COG6: variants seen among roughly 807,000 people sequenced by gnomAD.
COG6 encodes component of oligomeric golgi complex 6.
COG6 carries 74 observed loss-of-function variants against 88.8 expected under a neutral mutation model. The observed-to-expected ratio is 0.83, with a 90% CI of 0.69 to 1.01. COG6 has a LOEUF of 1.01. COG6 is among the 50% of genes least tolerant of loss of function. The pLI is 0.00. For synonymous variants in COG6, 286 were observed against 278.7 expected, an observed-to-expected ratio of 1.03 and a Z score of -0.26; for missense variants, 800 against 797.9, an observed-to-expected ratio of 1.00 and a Z score of -0.03.
rs1315306423 is a variant in COG6, at chr13:39,751,491, C to A, written c.*398C>A. 2 of 1,259,698 alleles carry A rather than the reference C, an allele frequency of 1.6e-6. No homozygotes were observed. The highest frequency in any genetic ancestry group is 3.1e-5 in the African/African-American group (2 of 65,124). The allele number at this position is 1,259,698 out of a possible 1,614,324, so 78.0% of individuals were successfully genotyped here. A position where few individuals can be genotyped will look rare whatever the true frequency, so the allele number is the denominator to read the frequency against. Reference sequence around the variant, plus strand: ...TATAAGGATATGACCTAATAAATGTCTCCTTACCTAAAGATTCATTTGCTT... The same window carrying A: ...TATAAGGATATGACCTAATAAATGTATCCTTACCTAAAGATTCATTTGCTT... On this transcript the variant is annotated 3_prime_UTR_variant, in exon 19 of 19. Coordinates refer to ENST00000455146, the MANE Select transcript of COG6 (RefSeq NM_020751.3).
At position 39,750,957 on chromosome 13, in the gene COG6, T is replaced by C. The variant is rs1320750692; in HGVS notation, c.1838T>C (p.Val613Ala). The C allele has an allele frequency of 1.2e-5, 19 of 1,613,416 alleles. No individual in the cohort carries two copies. Among genetic ancestry groups the C allele is most frequent in the Non-Finnish European group, 1.6e-5 (19 of 1,179,604 alleles). Residue 613 changes from valine to alanine, a missense_variant, in exon 19 of 19, where the codon GTA becomes GCA. Val to Ala is a moderately conservative substitution (Grantham distance 64). Coordinates refer to ENST00000455146, the MANE Select transcript of COG6 (RefSeq NM_020751.3). ...LLSATVKEQI[V>A]KQSTELVCRA... Reference sequence around the variant, plus strand: ...TTGCTTATCAATAGAGAGCAGATCGTAAAACAATCTACAGAATTAGTCTGC... The same window carrying C: ...TTGCTTATCAATAGAGAGCAGATCGCAAAACAATCTACAGAATTAGTCTGC...
intron 18 of COG6, among the ~76,000 whole-genome samples, chr13:39,739,061 A>G (rs1226876260): frequency 6.6e-6 from 1 of 152,152 alleles, no homozygotes; most frequent in African/African-American, 2.4e-5. Flanking sequence ...CACACAAACT[A>G]TAGAAAATAC....
rs765914278 is a variant in COG6 at position 39,687,689 on chromosome 13, A to G, written c.918-19A>G. On this transcript the variant is annotated intron_variant, in intron 9 of 18. Coordinates refer to ENST00000455146, the MANE Select transcript of COG6 (RefSeq NM_020751.3). ...TGTTTTTCCAAAGGAAATCTTCATT[A>G]ACATTTAGTTTTCATTAGGTATGTA... is the stretch of plus-strand genomic sequence containing the variant. 21 of 1,613,876 alleles carry G rather than the reference A, an allele frequency of 1.3e-5. No homozygotes were observed. In the African/African-American group the frequency reaches 1.7e-4, roughly 13 times the overall value.
At chr13:39,729,471 T>C (rs1017913131) in intron 18 of COG6, among the ~76,000 whole-genome samples, 1 of 152,128 alleles carries the variant, frequency 6.6e-6, no homozygotes, top group South Asian at 2.1e-4. Context: ...AACAATAATA[T>C]GGAAAAATGT....
chr13:39,699,087 C>T (rs1050788323), intron 12 of COG6, among the ~76,000 whole-genome samples: 3 of 151,700 alleles, frequency 2.0e-5, no homozygotes, highest in African/African-American at 7.3e-5. Context: ...AAAAGAATAA[C>T]TCAGTATTTA....
At chr13:39,779,095 G>T (rs370028843) in intron 18 of COG6, among the ~76,000 whole-genome samples, 2 of 152,056 alleles carry the variant, frequency 1.3e-5, no homozygotes, top group South Asian at 2.1e-4. Context: ...GTCACACTGC[G>T]TGACCTTGAG....
chr13:39,769,552 A>C (rs1593482718), intron 18 of COG6, among the ~76,000 whole-genome samples: 1 of 152,354 alleles, frequency 6.6e-6, no homozygotes, highest in East Asian at 1.9e-4. Flanking sequence ...AAGCCAGGTA[A>C]TCTAGTACAG....
At chr13:39,692,753 G>C (rs753751891) in intron 11 of COG6, among the ~76,000 whole-genome samples, 3 of 152,018 alleles carry the variant, frequency 2.0e-5, no homozygotes, top group Non-Finnish European at 4.4e-5. Flanking sequence ...GGTGCCTGAA[G>C]CTCATTTTGC....
At position 39,751,699 on chromosome 13, in the gene COG6, T is replaced by C. The variant is rs907414789; in HGVS notation, c.*606T>C. The C allele has an allele frequency of 1.1e-5, 14 of 1,286,784 alleles. 1 individual carries two copies. In the Middle Eastern group the frequency reaches 1.3e-3, roughly 119 times the overall value. The allele number at this position is 1,286,784 out of a possible 1,614,324, so 79.7% of individuals were successfully genotyped here. On this transcript the variant is annotated 3_prime_UTR_variant, in exon 19 of 19. Coordinates refer to ENST00000455146, the MANE Select transcript of COG6 (RefSeq NM_020751.3). ...TTAGCATACTATATATATTTGACTG[T>C]GTACATTCTTATGCAATTTTAAGTA...
chr13:39,680,146 AAACAT>A, intron 7 of COG6, 101 bp downstream of exon 7: 1 of 399,014 alleles, frequency 2.5e-6, no homozygotes, highest in Admixed American at 3.5e-5. Context: ...TTTAGTAATC[AAACAT>A]TTTTTAAAAA....
At chr13:39,697,100 TC>T (rs1197902291) in intron 12 of COG6, among the ~76,000 whole-genome samples, 7 of 151,150 alleles carry the variant, frequency 4.6e-5, no homozygotes, top group African/African-American at 1.7e-4. Context: ...AATGAAGAGT[TC>T]CGTTCAGTTT....
chr13:39,688,096 A>G (rs1484524879), intron 10 of COG6, among the ~76,000 whole-genome samples: 2 of 152,086 alleles, frequency 1.3e-5, no homozygotes, highest in Non-Finnish European at 2.9e-5. Context: ...TTTAGCATAC[A>G]TTTTCTCAAA....
At chr13:39,724,685 G>C in intron 17 of COG6, 124 bp downstream of exon 17, 1 of 756,688 alleles carries the variant, frequency 1.3e-6, no homozygotes, top group South Asian at 1.5e-5. Context: ...TATTAACGTT[G>C]GGTCCAATAA....
In COG6 at chr13:39,706,255, T is replaced by TTATATATATATATATATATACTCCTTTA. The variant is rs1877903313; in HGVS notation, c.1284+6657_1284+6658insCTCCTTTATATATATATATATATATATA. 2.3e-4 allele frequency among the ~76,000 whole-genome samples: 26 copies of TTATATATATATATATATATACTCCTTTA among 114,674 alleles called. 2 individuals carry two copies. Among genetic ancestry groups the TTATATATATATATATATATACTCCTTTA allele is most frequent in the Non-Finnish European group, 3.6e-4 (20 of 55,174 alleles). 75.2% of individuals were successfully genotyped at this position (114,674 alleles called of 152,430 possible). A position where few individuals can be genotyped will look rare whatever the true frequency, so the allele number is the denominator to read the frequency against. On this transcript the variant is annotated intron_variant, in intron 13 of 18. Coordinates refer to ENST00000455146, the MANE Select transcript of COG6 (RefSeq NM_020751.3). ...CTCCTTTATATATATATATACTCCT[T>TTATATATATATATATATATACTCCTTTA]TATATATATATATATATATATATTT... is the stretch of plus-strand genomic sequence containing the variant.
chr13:39,719,987 CAT>C (rs1443153221), intron 15 of COG6, among the ~76,000 whole-genome samples, 160 bp downstream of exon 15: 3 of 108,214 alleles, frequency 2.8e-5, no homozygotes, highest in African/African-American at 1.0e-4. Context: ...AACACACGCA[CAT>C]ACACAACACA....
In COG6 at chr13:39,719,244, C is replaced by T. The variant is rs753193862; in HGVS notation, c.1293C>T (p.Leu431=). The change falls in exon 14 of 19, where the codon CTC becomes CTT. Residue 431 remains leucine (L), a synonymous_variant. Coordinates refer to ENST00000455146, the MANE Select transcript of COG6 (RefSeq NM_020751.3). ...HASKLMDKVE[L]PPPDLGPSSA... Reference sequence around the variant, plus strand: ...ATCATCTCTTGTTTTAGGTTGAACTCCCACCACCTGATCTTGGACCAAGTT... The same window carrying T: ...ATCATCTCTTGTTTTAGGTTGAACTTCCACCACCTGATCTTGGACCAAGTT... 7 of 1,612,376 alleles carry T rather than the reference C, an allele frequency of 4.3e-6. No homozygotes were observed. The African/African-American group carries it at 6.7e-5, about 15-fold the overall frequency.
intron 18 of COG6, among the ~76,000 whole-genome samples, chr13:39,777,691 A>G (rs1011195708): frequency 2.0e-5 from 3 of 152,150 alleles, no homozygotes; most frequent in Non-Finnish European, 2.9e-5. Flanking sequence ...TGGTTGGAGT[A>G]TCTTTAAGGC....
intron 13 of COG6, among the ~76,000 whole-genome samples, chr13:39,704,801 G>A (rs1313666987): frequency 6.6e-6 from 1 of 152,104 alleles, no homozygotes; most frequent in Admixed American, 6.6e-5. Flanking sequence ...TGAGTTTATA[G>A]CAGTGAATGG....
intron 18 of COG6, among the ~76,000 whole-genome samples, chr13:39,765,369 CCTT>C (rs1881134319): frequency 6.6e-6 from 1 of 152,200 alleles, no homozygotes; most frequent in Non-Finnish European, 1.5e-5. Context: ...GTTCACTTAT[CCTT>C]CTCTCCCAGA....
Sources: allele counts gnomAD v4.1 joint callset (sites outside exome capture counted in the v4.1 genomes callset), GRCh38; gene constraint gnomAD v4.1.1; transcripts MANE v1.5; gene names NCBI Gene and HGNC (gene_info 2026-07-23, HGNC 2026-07-21).